The following VTI1A variants were observed in gnomAD, a reference collection of about 807,000 sequenced individuals.
VTI1A encodes the protein vesicle transport through interaction with t-SNAREs homolog 1A.
VTI1A carries 22 observed loss-of-function variants against 34.9 expected under a neutral mutation model. The observed-to-expected ratio is 0.63, with a 90% CI of 0.45 to 0.90. VTI1A has a LOEUF of 0.90. VTI1A is among the 40% of genes least tolerant of loss of function. The probability of loss-of-function intolerance (pLI) is 0.00; values close to 1 mark genes in which losing one functional copy is unlikely to be tolerated. For synonymous variants in VTI1A, 87 were observed against 97.3 expected, an observed-to-expected ratio of 0.89 and a Z score of 0.62; for missense variants, 268 against 275.6, an observed-to-expected ratio of 0.97 and a Z score of 0.20.
intron 3 of VTI1A, among the ~76,000 whole-genome samples, chr10:112,503,394 T>C (rs1180008587): frequency 6.6e-6 from 1 of 152,190 alleles, no homozygotes; most frequent in African/African-American, 2.4e-5. Flanking sequence ...TTATTTCACT[T>C]AACATCATAT....
intron 7 of VTI1A, among the ~76,000 whole-genome samples, chr10:112,780,271 T>TA (rs1312017833): frequency 9.2e-6 from 1 of 108,114 alleles, no homozygotes; most frequent in Non-Finnish European, 1.9e-5. Context: ...ACCCTGTCTC[T>TA]AAAAATAAAT....
intron 5 of VTI1A, among the ~76,000 whole-genome samples, chr10:112,607,113 C>G (rs1845114838): frequency 6.6e-6 from 1 of 151,880 alleles, no homozygotes; most frequent in African/African-American, 2.4e-5. Context: ...ATGGTGAAAC[C>G]CTGTCTCTAC....
intron 5 of VTI1A, among the ~76,000 whole-genome samples, chr10:112,638,898 T>C (rs983944208): frequency 2.0e-5 from 3 of 151,954 alleles, no homozygotes; most frequent in Non-Finnish European, 4.4e-5. Flanking sequence ...GGAGATTTTA[T>C]TTCCTAAAGG....
intron 1 of VTI1A, among the ~76,000 whole-genome samples, chr10:112,459,962 G>A (rs1170196507): frequency 6.6e-6 from 1 of 152,062 alleles, no homozygotes; most frequent in African/African-American, 2.4e-5. Context: ...CAGAAAAAAA[G>A]AGAAAAATTT....
At chr10:112,667,924 G>C (rs1165386943) in intron 5 of VTI1A, among the ~76,000 whole-genome samples, 1 of 152,098 alleles carries the variant, frequency 6.6e-6, no homozygotes, top group Non-Finnish European at 1.5e-5. Flanking sequence ...ATGGACCTCA[G>C]ATCTTCTCCA....
At chr10:112,476,851 A>G (rs778613631) in intron 3 of VTI1A, among the ~76,000 whole-genome samples, 8 of 152,296 alleles carry the variant, frequency 5.3e-5, no homozygotes, top group Middle Eastern at 6.8e-3. Flanking sequence ...GGCTTTACCC[A>G]GTTCCACATT....
intron 7 of VTI1A, among the ~76,000 whole-genome samples, chr10:112,782,488 AT>A (rs1852161584): frequency 6.6e-6 from 1 of 152,206 alleles, no homozygotes; most frequent in Non-Finnish European, 1.5e-5. Context: ...AAACATCTGT[AT>A]CCGATCTTTC....
intron 7 of VTI1A, among the ~76,000 whole-genome samples, chr10:112,793,140 C>T (rs150586613): frequency 1.3e-5 from 2 of 152,314 alleles, no homozygotes; most frequent in East Asian, 3.9e-4. Context: ...GTGCTGCGGA[C>T]AGACCAGGAG....
intron 7 of VTI1A, among the ~76,000 whole-genome samples, chr10:112,771,883 T>TAA (rs1851823859): frequency 6.6e-6 from 1 of 152,246 alleles, no homozygotes; most frequent in Non-Finnish European, 1.5e-5. Context: ...GCCAGTACTT[T>TAA]ATTCCTTTTT....
chr10:112,654,968 G>T (rs1847174743), intron 5 of VTI1A, among the ~76,000 whole-genome samples: 1 of 152,142 alleles, frequency 6.6e-6, no homozygotes, highest in Non-Finnish European at 1.5e-5. Context: ...ACACGTGTGT[G>T]TGAATAAAAC....
chr10:112,505,560 T>A (rs1849400468), intron 3 of VTI1A, among the ~76,000 whole-genome samples: 1 of 152,222 alleles, frequency 6.6e-6, no homozygotes, highest in Non-Finnish European at 1.5e-5. Flanking sequence ...TGTCTTTTTT[T>A]AAAACAGCTT....
At chr10:112,648,560 A>C (rs961997984) in intron 5 of VTI1A, among the ~76,000 whole-genome samples, 1 of 152,242 alleles carries the variant, frequency 6.6e-6, no homozygotes, top group African/African-American at 2.4e-5. Flanking sequence ...TAGTTCAAAA[A>C]GAGGTTCATT....
intron 7 of VTI1A, among the ~76,000 whole-genome samples, chr10:112,779,341 G>A (rs1024329359): frequency 2.0e-5 from 3 of 152,118 alleles, no homozygotes; most frequent in African/African-American, 7.2e-5. Flanking sequence ...GTAAAACAGT[G>A]GCTGCCAGCT....
intron 7 of VTI1A, among the ~76,000 whole-genome samples, chr10:112,694,389 G>T (rs1412545034): frequency 6.6e-6 from 1 of 151,798 alleles, no homozygotes; most frequent in Non-Finnish European, 1.5e-5. Context: ...TGGATGGGTG[G>T]ATGGATGGAT....
chr10:112,734,131 C>A (rs566292595), intron 7 of VTI1A, among the ~76,000 whole-genome samples: 39 of 152,140 alleles, frequency 2.6e-4, no homozygotes, highest in Non-Finnish European at 5.0e-4. Context: ...GCAGACCCAT[C>A]TGACCATGTC....
At chr10:112,792,243 C>G (rs1264870174) in intron 7 of VTI1A, among the ~76,000 whole-genome samples, 1 of 152,174 alleles carries the variant, frequency 6.6e-6, no homozygotes, top group Non-Finnish European at 1.5e-5. Context: ...CCACTATACT[C>G]CAGCCTGGGC....
Position 112,447,217 on chromosome 10 carries a change from A to G in VTI1A, c.-157A>G, listed in dbSNP as rs1846862843. The G allele has an allele frequency of 3.0e-6, 2 of 668,774 alleles. No individual in the cohort carries two copies. Among genetic ancestry groups the G allele is most frequent in the Non-Finnish European group, 4.8e-6 (2 of 415,428 alleles). The allele number at this position is 668,774 out of a possible 1,614,324, so 41.4% of individuals were successfully genotyped here. ...TTCCGGAGAACCGAGATTGCGACGA[A>G]CAACCAGGAAGCGGCTGGGTTGAGA... is the stretch of plus-strand genomic sequence containing the variant. On this transcript the variant is annotated 5_prime_UTR_variant, in exon 1 of 8. Transcript: ENST00000393077.
chr10:112,537,311 G>GTATATTATATATATA (rs1850673012), intron 4 of VTI1A, among the ~76,000 whole-genome samples: 1 of 65,222 alleles, frequency 1.5e-5, no homozygotes, highest in Non-Finnish European at 3.6e-5. Flanking sequence ...AAGTATCTAG[G>GTATATTATATATATA]TATATATATA....
intron 7 of VTI1A, among the ~76,000 whole-genome samples, chr10:112,706,681 C>T (rs1849209528): frequency 6.6e-6 from 1 of 152,168 alleles, no homozygotes; most frequent in Non-Finnish European, 1.5e-5. Flanking sequence ...TGGCCTTTCC[C>T]ACTCTGAACC....
Sources: gnomAD v4.1 joint callset for allele counts (sites outside exome capture counted in the v4.1 genomes callset) on GRCh38, gnomAD v4.1.1 for gene constraint, MANE v1.5 for transcripts, NCBI Gene and HGNC (gene_info 2026-07-23, HGNC 2026-07-21) for gene names.